ARL5C: variants seen among roughly 807,000 people sequenced by gnomAD.
The protein encoded by ARL5C is ARF like GTPase 5C.
ARL5C carries 21 observed loss-of-function variants against 20.8 expected under a neutral mutation model. The observed-to-expected ratio is 1.01, with a 90% CI of 0.72 to 1.46. The LOEUF (loss-of-function observed/expected upper bound fraction) is 1.46, where lower values mean the gene tolerates loss of function less well. Among genes scored for constraint, ARL5C ranks in the 40% most tolerant of loss-of-function variants. The pLI is 0.00. For synonymous variants in ARL5C, 71 were observed against 81.6 expected (o/e 0.87, Z 0.70); for missense variants, 199 against 225.1 (o/e 0.88, Z 0.74).
chr17:39,165,381 T>G, intron 1 of ARL5C: 2 of 591,860 alleles, frequency 3.4e-6, no homozygotes, highest in Non-Finnish European at 6.0e-6. Context: ...CCCGGGGCGC[T>G]TCGGGGCTTG....
In ARL5C at chr17:39,161,371, C is replaced by T. The variant is rs1287340797; in HGVS notation, c.256-20G>A. 1.8e-5 allele frequency: 28 copies of T among 1,550,462 alleles called. 1 individual carries two copies. The South Asian group carries it at 2.5e-4, about 14-fold the overall frequency. On this transcript the variant is annotated intron_variant, in intron 3 of 5. Transcript: ENST00000269586. The stretch of plus-strand genomic sequence containing the variant: ...GATAAACTGGGCAGCAGAGGGGAGC[C>T]GTGAGAGACAGGCTTTCTCTTTGGT...
intron 5 of ARL5C, among the ~76,000 whole-genome samples, chr17:39,158,052 C>T (rs189370811): frequency 3.4e-5 from 5 of 146,568 alleles, no homozygotes; most frequent in East Asian, 2.2e-4. Flanking sequence ...GAGCCGAGAT[C>T]GCGCCACTGC....
intron 5 of ARL5C, among the ~76,000 whole-genome samples, chr17:39,158,255 C>A (rs112008266): frequency 6.6e-6 from 1 of 152,266 alleles, no homozygotes; most frequent in African/African-American, 2.4e-5. Context: ...CAGCGGGTGG[C>A]AAGGACACTG....
intron 5 of ARL5C, among the ~76,000 whole-genome samples, chr17:39,158,818 C>T (rs1447510474): frequency 1.3e-5 from 2 of 151,936 alleles, no homozygotes; most frequent in Non-Finnish European, 2.9e-5. Flanking sequence ...ATTCCCTCCA[C>T]ACACTTCCAC....
At chr17:39,165,452 G>A in intron 1 of ARL5C, 3 of 591,558 alleles carry the variant, frequency 5.1e-6, no homozygotes, top group South Asian at 4.2e-5. Context: ...GAAACTCGCA[G>A]CAGCCCCCCA....
At chr17:39,165,217 A>T in intron 1 of ARL5C, 78 bp from the exon 2 acceptor site, 1 of 1,436,072 alleles carries the variant, frequency 7.0e-7, no homozygotes, top group Non-Finnish European at 9.6e-7. Context: ...CAGACCTCCC[A>T]GGAAGGAGAT....
chr17:39,156,779 A>G (rs1040673336), downstream of ARL5C: 7 of 1,240,466 alleles, frequency 5.6e-6, no homozygotes, highest in Non-Finnish European at 8.0e-6. Flanking sequence ...CACTGTCCAT[A>G]GCAGCCACTG....
rs1405861025 is a variant in ARL5C at position 39,165,121 on chromosome 17, A to C, written c.65T>G (p.Val22Gly). ...GGTCTTTCCTTCATTGTCCAGTCCCACGATGATGACCGTGTGCTCTGGAAG... is the reference window on the plus strand; with the variant it reads ...GGTCTTTCCTTCATTGTCCAGTCCCCCGATGATGACCGTGTGCTCTGGAAG... ...FGNQEHTVII[V>G]GLDNEGKTTI... The change falls in exon 2 of 6, where the codon GTG becomes GGG. Residue 22 changes from valine to glycine, a missense_variant. Transcript: ENST00000269586. The C allele has an allele frequency of 6.4e-7, 1 of 1,551,586 alleles. No homozygotes were observed. Among genetic ancestry groups the C allele is most frequent in the South Asian group, 1.2e-5 (1 of 84,044 alleles).
At chr17:39,162,646 G>T (rs1049951330) in intron 3 of ARL5C, 65 bp downstream of exon 3, 2 of 1,513,258 alleles carry the variant, frequency 1.3e-6, no homozygotes, top group Non-Finnish European at 1.8e-6. Flanking sequence ...GCTCAGAAAG[G>T]TTACATGACA....
At position 39,165,741 on chromosome 17, in the gene ARL5C, T is replaced by C. The variant is rs1313626233; in HGVS notation, c.20A>G (p.Lys7Arg). Residue 7 changes from lysine (K) to arginine (R), a missense_variant, in exon 1 of 6, where the codon AAG becomes AGG. Transcript: ENST00000269586. MGQLIA[K>R]LMSIFGNQEH... ...CTGGTTCCCGAAGATGCTCATTAAC[T>C]TGGCGATCAGCTGTCCCATGGCACT... 6.4e-6 allele frequency: 10 copies of C among 1,551,746 alleles called. No individual in the cohort carries two copies. Among genetic ancestry groups the C allele is most frequent in the Non-Finnish European group, 8.7e-6 (10 of 1,146,998 alleles).
chr17:39,163,370 C>CTTTCTTTCTT (rs1555576128), intron 2 of ARL5C, among the ~76,000 whole-genome samples: 7 of 131,988 alleles, frequency 5.3e-5, no homozygotes, highest in Non-Finnish European at 1.0e-4. Context: ...TTCTTTCTTT[C>CTTTCTTTCTT]TTTCTTTCTT....
At chr17:39,157,198 A>G (rs762981495) in intron 5 of ARL5C, among the ~76,000 whole-genome samples, 5 of 152,358 alleles carry the variant, frequency 3.3e-5, no homozygotes, top group South Asian at 2.1e-4. Flanking sequence ...ATAAATGGTC[A>G]GACACATAAT....
At position 39,160,237 on chromosome 17, in the gene ARL5C, T is replaced by G. The variant is rs564787684; in HGVS notation, c.491+354A>C. On this transcript the variant is annotated intron_variant, in intron 5 of 5. Transcript: ENST00000269586. ...ACTCCGGAGGCTGAGGCAGGAGAAT[T>G]GCTTGAACCTGGGAGGCGGAGGTTA... 2.0e-3 allele frequency: 335 copies of G among 168,550 alleles called. 2 individuals carry two copies. Among genetic ancestry groups the G allele is most frequent in the Non-Finnish European group, 2.9e-3 (227 of 78,894 alleles). The allele number at this position is 168,550 out of a possible 1,614,324, so 10.4% of individuals were successfully genotyped here. A position where few individuals can be genotyped will look rare whatever the true frequency, so the allele number is the denominator to read the frequency against.
chr17:39,161,703 G>A (rs1002045058), intron 3 of ARL5C, among the ~76,000 whole-genome samples: 27 of 152,066 alleles, frequency 1.8e-4, no homozygotes, highest in Admixed American at 1.0e-3. Context: ...TAGTAGAGAC[G>A]GGGTTTCGCC....
chr17:39,157,115 G>C (rs971527146), intron 5 of ARL5C, among the ~76,000 whole-genome samples, 173 bp from the exon 6 acceptor site: 28 of 152,364 alleles, frequency 1.8e-4, no homozygotes, highest in African/African-American at 6.7e-4. Flanking sequence ...TACTGTGCAA[G>C]GCTCTGGAGT....
chr17:39,165,796 A>T lies in ARL5C; in HGVS notation c.-36T>A. The stretch of plus-strand genomic sequence containing the variant: ...GGGCCGGACAGGTGCAGGAGGGCTC[A>T]GCGGCCTCAGGAGCGGAGTCGGCCC... On this transcript the variant is annotated 5_prime_UTR_variant, in exon 1 of 6. Transcript: ENST00000269586. 1.3e-6 allele frequency: 2 copies of T among 1,551,438 alleles called. No homozygotes were observed. Among genetic ancestry groups the T allele is most frequent in the Middle Eastern group, 3.3e-4 (2 of 5,992 alleles).
chr17:39,159,019 CT>C (rs1395516312), intron 5 of ARL5C, among the ~76,000 whole-genome samples: 1,246 of 64,008 alleles, frequency 0.019, 61 homozygotes, highest in African/African-American at 0.067. Context: ...TCATTTATCA[CT>C]TGTTTTTTTT....
At chr17:39,157,004 T>A in intron 5 of ARL5C, 62 bp from the exon 6 acceptor site, 1 of 1,538,300 alleles carries the variant, frequency 6.5e-7, no homozygotes, top group South Asian at 1.2e-5. Context: ...CCTTCAAGTC[T>A]CCAGCCCTTG....
intron 2 of ARL5C, among the ~76,000 whole-genome samples, chr17:39,163,671 C>T (rs1385422198): frequency 6.7e-6 from 1 of 150,216 alleles, no homozygotes; most frequent in Non-Finnish European, 1.5e-5. Context: ...GGATTACAGG[C>T]ATGAGCCACC....
Sources: allele counts gnomAD v4.1 joint callset (sites outside exome capture counted in the v4.1 genomes callset), GRCh38; gene constraint gnomAD v4.1.1; transcripts MANE v1.5; gene names NCBI Gene and HGNC (gene_info 2026-07-23, HGNC 2026-07-21).